AVEN: variants seen among roughly 807,000 people sequenced by gnomAD.
The protein encoded by AVEN is apoptosis and caspase activation inhibitor.
A neutral mutation model predicts 38.1 loss-of-function variants in AVEN; 41 were observed. That is an observed-to-expected ratio of 1.08 (90% CI 0.84 to 1.40). The LOEUF (loss-of-function observed/expected upper bound fraction) is 1.40, where lower values mean the gene tolerates loss of function less well. Among genes scored for constraint, AVEN ranks in the 40% most tolerant of loss-of-function variants. The probability of loss-of-function intolerance (pLI) is 0.00; values close to 1 mark genes in which losing one functional copy is unlikely to be tolerated. For missense variants in AVEN, 605 were observed against 438.8 expected (o/e 1.38, Z -3.38); for synonymous variants, 206 against 171.8 (o/e 1.20, Z -1.56).
At position 33,961,759 on chromosome 15, in the gene AVEN, G is replaced by T. The variant is rs1208092423; in HGVS notation, c.445+41273C>A. Among the ~76,000 whole-genome samples the T allele has an allele frequency of 2.9e-5, 4 of 139,056 alleles. No homozygotes were observed. In the Admixed American group the frequency reaches 3.1e-4, roughly 11 times the overall value. The allele number at this position is 139,056 out of a possible 152,430, so 91.2% of individuals were successfully genotyped here. On this transcript the variant is annotated intron_variant, in intron 2 of 5. Coordinates refer to ENST00000306730, the MANE Select transcript of AVEN (RefSeq NM_020371.3). ...ACCCGGGAGGCGGAGCTTGCAGTGA[G>T]CCGAGATCGCGCCACTGCACTCCAG...
chr15:33,889,706 A>G (rs1188375927), intron 2 of AVEN, among the ~76,000 whole-genome samples: 5 of 152,240 alleles, frequency 3.3e-5, no homozygotes, highest in Non-Finnish European at 7.3e-5. Context: ...CAAATGACAT[A>G]CAGAGTAATT....
chr15:33,860,809 A>T, intron 11 of AVEN: 1 of 709,644 alleles, frequency 1.4e-6, no homozygotes, highest in Non-Finnish European at 2.4e-6. Context: ...GCACCCTGCC[A>T]TACCCCTGCC....
At chr15:34,042,359 G>A (rs1899505142), upstream of AVEN, among the ~76,000 whole-genome samples, 1 of 147,010 alleles carries the variant, frequency 6.8e-6, no homozygotes, top group Non-Finnish European at 1.5e-5. Context: ...AAACGAAACT[G>A]TACTTTTTGC....
At chr15:33,975,073 T>G (rs1312475247) in intron 2 of AVEN, among the ~76,000 whole-genome samples, 1 of 152,238 alleles carries the variant, frequency 6.6e-6, no homozygotes, top group Non-Finnish European at 1.5e-5. Flanking sequence ...TATCAAGATA[T>G]AAGACATATA....
chr15:33,912,127 T>C (rs1038123559), intron 2 of AVEN, among the ~76,000 whole-genome samples: 2 of 152,226 alleles, frequency 1.3e-5, no homozygotes, highest in Non-Finnish European at 2.9e-5. Context: ...TCTGTGACCT[T>C]AGTAAAGTCA....
intron 2 of AVEN, among the ~76,000 whole-genome samples, chr15:33,904,400 A>G (rs1892602303): frequency 6.6e-6 from 1 of 152,204 alleles, no homozygotes; most frequent in African/African-American, 2.4e-5. Flanking sequence ...AGCCTAGGCA[A>G]CAGAGTAAGA....
chr15:34,055,360 C>CT (rs1329156427), intron 5 of AVEN, among the ~76,000 whole-genome samples: 1 of 151,790 alleles, frequency 6.6e-6, no homozygotes, highest in Non-Finnish European at 1.5e-5. Context: ...TTATAATTAT[C>CT]TGTGTGTGGT....
At chr15:33,855,627 GCCAATATTTCT>G, downstream of AVEN, among the ~76,000 whole-genome samples, 1 of 1,558 alleles carries the variant, frequency 6.4e-4, no homozygotes, top group South Asian at 0.024. Context: ...CCAATTAAGA[GCCAATATTTCT>G]GATATCTGCA....
intron 2 of AVEN, among the ~76,000 whole-genome samples, chr15:33,958,787 G>A (rs1216918861): frequency 6.6e-6 from 1 of 152,032 alleles, no homozygotes; most frequent in East Asian, 1.9e-4. Context: ...TGGTAGAATA[G>A]CATCCAGCTC....
intron 5 of AVEN, 143 bp downstream of exon 5, chr15:33,867,352 G>T (rs959806801): frequency 8.3e-7 from 1 of 1,200,242 alleles, no homozygotes; most frequent in Non-Finnish European, 1.1e-6. Context: ...AAGCAGAGAC[G>T]TGAGCACAGA....
chr15:33,935,504 A>ATATG lies in AVEN; in HGVS notation c.446-59510_446-59509insCATA, dbSNP rs567775883. Among the ~76,000 whole-genome samples, 1,218 of 152,190 alleles carry ATATG rather than the reference A, an allele frequency of 8.0e-3. 9 individuals are homozygous for ATATG. The highest frequency in any genetic ancestry group is 0.014 in the Non-Finnish European group (936 of 67,998). ...TATATATGTGTATATATATGTATATATGTGTGTGAGTATATATATGTGTAT... is the reference window on the plus strand; with the variant it reads ...TATATATGTGTATATATATGTATATATATGTGTGTGTGAGTATATATATGTGTAT... On this transcript the variant is annotated intron_variant, in intron 2 of 5. Transcript: ENST00000306730.
rs561301907 is a variant in AVEN, at chr15:33,870,355, C to T, written c.612+580G>A. On this transcript the variant is annotated intron_variant, in intron 4 of 5. Coordinates refer to ENST00000306730, the MANE Select transcript of AVEN (RefSeq NM_020371.3). ...AGTCTTCTCTACTTGGCAGCCCCAT[C>T]GTTTTTATTAACGCAAAGCTGACTG... Among the ~76,000 whole-genome samples the T allele has an allele frequency of 9.8e-5, 15 of 152,292 alleles. No homozygotes were observed. The South Asian group carries it at 1.9e-3, about 19-fold the overall frequency.
intron 1 of AVEN, among the ~76,000 whole-genome samples, chr15:34,033,676 G>C (rs567036910): frequency 1.9e-4 from 29 of 152,236 alleles, no homozygotes; most frequent in Admixed American, 5.9e-4. Flanking sequence ...AAACTTTCAA[G>C]TATGAAATAT....
chr15:33,964,410 G>A (rs1481171466), intron 2 of AVEN, among the ~76,000 whole-genome samples: 1 of 151,914 alleles, frequency 6.6e-6, no homozygotes, highest in Non-Finnish European at 1.5e-5. Flanking sequence ...TATGGTAGAG[G>A]AATAAACTAA....
chr15:34,056,608 T>C (rs1900160016), intron 5 of AVEN, among the ~76,000 whole-genome samples: 1 of 152,224 alleles, frequency 6.6e-6, no homozygotes, highest in Non-Finnish European at 1.5e-5. Context: ...GCATTTGAAG[T>C]AGTCCTAGTC....
At chr15:33,900,162 T>C (rs1476140099) in intron 2 of AVEN, among the ~76,000 whole-genome samples, 1 of 152,154 alleles carries the variant, frequency 6.6e-6, no homozygotes, top group Non-Finnish European at 1.5e-5. Context: ...ATTATAGTTG[T>C]TCTATTGGAA....
intron 2 of AVEN, among the ~76,000 whole-genome samples, chr15:33,983,570 CT>C (rs1403080597): frequency 6.6e-6 from 1 of 152,044 alleles, no homozygotes; most frequent in African/African-American, 2.4e-5. Context: ...TTCCCCTGAA[CT>C]TTTAAGGAAA....
chr15:33,987,704 G>C (rs1896538902), intron 2 of AVEN, among the ~76,000 whole-genome samples: 1 of 152,036 alleles, frequency 6.6e-6, no homozygotes, highest in African/African-American at 2.4e-5. Context: ...TTCTCTCTTT[G>C]GGCTTTTGTT....
chr15:33,971,412 T>C (rs140809551), intron 2 of AVEN, among the ~76,000 whole-genome samples: 1,797 of 152,166 alleles, frequency 0.012, 37 homozygotes, highest in African/African-American at 0.04. Flanking sequence ...ATCCTTAAAT[T>C]CTGGTCATTT....
Sources: allele counts gnomAD v4.1 joint callset (sites outside exome capture counted in the v4.1 genomes callset), GRCh38; gene constraint gnomAD v4.1.1; transcripts MANE v1.5; gene names NCBI Gene and HGNC (gene_info 2026-07-23, HGNC 2026-07-21).